The following HOMER2 variants were observed in gnomAD, a reference collection of about 807,000 sequenced individuals.
HOMER2 encodes the protein homer protein homolog 2.
In HOMER2, 27 loss-of-function variants were observed where a neutral mutation model predicts 47.0. That is an observed-to-expected ratio of 0.57 (90% CI 0.42 to 0.79). The LOEUF (loss-of-function observed/expected upper bound fraction) is 0.79. Ranked by LOEUF, HOMER2 falls within the 30% of genes least tolerant of loss-of-function variation. The pLI, the probability that HOMER2 is intolerant of heterozygous loss-of-function variation, is 0.00. For synonymous variants in HOMER2, 161 were observed against 163.8 expected, an observed-to-expected ratio of 0.98 and a Z score of 0.13; for missense variants, 443 against 435.0, an observed-to-expected ratio of 1.02 and a Z score of -0.16.
chr15:82,878,771 G>C (rs184567347), intron 2 of HOMER2, among the ~76,000 whole-genome samples: 5 of 152,270 alleles, frequency 3.3e-5, no homozygotes, highest in African/African-American at 1.2e-4. Context: ...GGGATTACAG[G>C]TGTGCACCAC....
At chr15:82,957,900 C>T (rs556051835), downstream of HOMER2, among the ~76,000 whole-genome samples, 3 of 152,224 alleles carry the variant, frequency 2.0e-5, no homozygotes, top group African/African-American at 4.8e-5. Context: ...TGCAGTGGCG[C>T]GACCTCCACT....
At chr15:82,837,124 C>T (rs2051135738) in exon 2 of HOMER2, 1 of 152,250 alleles carries the variant, frequency 6.6e-6, no homozygotes, top group Non-Finnish European at 1.5e-5. Flanking sequence ...GCTTGTGGCC[C>T]CTTCCTCCAC....
chr15:82,939,410 T>TAA, intron 1 of HOMER2, among the ~76,000 whole-genome samples: 1 of 152,284 alleles, frequency 6.6e-6, no homozygotes, highest in African/African-American at 2.4e-5. Context: ...CTCACGCCTG[T>TAA]AATCCCAGCA....
intron 1 of HOMER2, among the ~76,000 whole-genome samples, chr15:82,934,391 C>T (rs1278616100): frequency 6.6e-6 from 1 of 152,148 alleles, no homozygotes; most frequent in Non-Finnish European, 1.5e-5. Flanking sequence ...CCAATGCCTC[C>T]TTCCCCATGC....
At chr15:82,875,771 G>A (rs776423864) in intron 2 of HOMER2, among the ~76,000 whole-genome samples, 47 of 152,170 alleles carry the variant, frequency 3.1e-4, no homozygotes, top group African/African-American at 9.4e-4. Context: ...CCACATTCTT[G>A]GAAGAACTGC....
chr15:82,869,862 T>A (rs950312537), intron 3 of HOMER2, among the ~76,000 whole-genome samples: 1 of 152,234 alleles, frequency 6.6e-6, no homozygotes, highest in African/African-American at 2.4e-5. Flanking sequence ...TTTTATGTTA[T>A]AAATGATGCT....
At chr15:82,984,730 C>G (rs1173284984) in intron 1 of HOMER2, among the ~76,000 whole-genome samples, 1 of 152,100 alleles carries the variant, frequency 6.6e-6, no homozygotes, top group African/African-American at 2.4e-5. Context: ...CTGAGAGGAT[C>G]GCCTGAGCCC....
At chr15:82,868,046 AATATAT>A (rs1303356374) in intron 3 of HOMER2, among the ~76,000 whole-genome samples, 3 of 151,980 alleles carry the variant, frequency 2.0e-5, no homozygotes, top group Non-Finnish European at 2.9e-5. Flanking sequence ...TTCTTAAAAA[AATATAT>A]ATATATGCTT....
intron 1 of HOMER2, among the ~76,000 whole-genome samples, chr15:82,975,981 C>A (rs953232335): frequency 3.3e-5 from 5 of 152,076 alleles, no homozygotes; most frequent in Non-Finnish European, 2.9e-5. Flanking sequence ...TAAATATATA[C>A]ACCATGAACC....
chr15:82,920,358 T>C (rs547021019), intron 1 of HOMER2, among the ~76,000 whole-genome samples: 85 of 152,268 alleles, frequency 5.6e-4, no homozygotes, highest in African/African-American at 1.8e-3. Context: ...TCCCACAAAC[T>C]TGGGGGCTTA....
chr15:82,918,868 G>A (rs2053657306), intron 1 of HOMER2, among the ~76,000 whole-genome samples: 1 of 151,836 alleles, frequency 6.6e-6, no homozygotes, highest in South Asian at 2.1e-4. Context: ...GTAAATGGCT[G>A]TGCAGGGCAC....
upstream of HOMER2, chr15:82,952,786 C>T (rs965846310): frequency 7.1e-6 from 6 of 850,386 alleles, no homozygotes; most frequent in African/African-American, 1.8e-5. Flanking sequence ...GCCGCTACCC[C>T]CGCCCGGCTC....
At chr15:82,852,475 G>A in intron 6 of HOMER2, 9 of 458,324 alleles carry the variant, frequency 2.0e-5, no homozygotes, top group Non-Finnish European at 2.7e-5. Context: ...CTTACCAGAG[G>A]CATCTTACCA....
chr15:82,977,234 A>C (rs1429771029), intron 1 of HOMER2, among the ~76,000 whole-genome samples: 2 of 152,300 alleles, frequency 1.3e-5, no homozygotes, highest in South Asian at 2.1e-4. Context: ...ATGGTGGTTT[A>C]GTCATAGGGA....
At chr15:82,837,328 G>A (rs1461880160) in exon 2 of HOMER2, 1 of 152,242 alleles carries the variant, frequency 6.6e-6, no homozygotes, top group African/African-American at 2.4e-5. Flanking sequence ...CCAGGGATTA[G>A]GATGTGGACA....
chr15:82,890,312 A>T (rs1031540608), intron 2 of HOMER2, among the ~76,000 whole-genome samples: 1 of 152,186 alleles, frequency 6.6e-6, no homozygotes, highest in Non-Finnish European at 1.5e-5. Context: ...ACTGCACTCC[A>T]GCCTAGGCGA....
At chr15:82,859,441 G>A (rs1009187665) in intron 4 of HOMER2, among the ~76,000 whole-genome samples, 18 of 152,102 alleles carry the variant, frequency 1.2e-4, no homozygotes, top group African/African-American at 4.3e-4. Context: ...GGAACACCTG[G>A]GCCAGTGCTC....
upstream of HOMER2, among the ~76,000 whole-genome samples, chr15:82,954,828 G>A (rs1033985835): frequency 4.0e-5 from 6 of 151,874 alleles, no homozygotes; most frequent in African/African-American, 1.2e-4. Flanking sequence ...CACCAGGCTG[G>A]AGTGCAGTGG....
intron 3 of HOMER2, among the ~76,000 whole-genome samples, chr15:82,871,066 A>T (rs1007599078): frequency 5.9e-5 from 9 of 152,202 alleles, no homozygotes; most frequent in African/African-American, 2.2e-4. Context: ...GTGCCTTTTC[A>T]ATTTCCTTCA....
Sources: gnomAD v4.1 joint callset for allele counts (sites outside exome capture counted in the v4.1 genomes callset) on GRCh38, gnomAD v4.1.1 for gene constraint, MANE v1.5 for transcripts, NCBI Gene and HGNC (gene_info 2026-07-23, HGNC 2026-07-21) for gene names.